Variants in SCAPER observed in about 807,000 individuals in gnomAD.
The protein encoded by SCAPER is S phase cyclin A-associated protein in the endoplasmic reticulum.
Under a neutral mutation model 182.2 loss-of-function variants are expected in SCAPER, and 98 were observed. The ratio of observed to expected loss-of-function variants is 0.54; its 90% CI spans 0.46 to 0.64. The LOEUF is 0.64. SCAPER is among the 30% of genes least tolerant of loss of function. SCAPER has a pLI of 0.00. For synonymous variants in SCAPER, 605 were observed against 564.6 expected (o/e 1.07, Z -1.01); for missense variants, 1,432 against 1,690.0 (o/e 0.85, Z 2.68).
intron 4 of SCAPER, among the ~76,000 whole-genome samples, chr15:76,845,081 A>C (rs1421900552): frequency 1.3e-5 from 2 of 152,168 alleles, no homozygotes; most frequent in Non-Finnish European, 2.9e-5. Flanking sequence ...CAATATGCAA[A>C]TCAATCAATG....
intron 23 of SCAPER, among the ~76,000 whole-genome samples, chr15:76,529,589 G>A (rs1206969083): frequency 6.6e-6 from 1 of 152,204 alleles, no homozygotes; most frequent in Non-Finnish European, 1.5e-5. Flanking sequence ...GGTAAGAGAA[G>A]GCCTTCTGAG....
intron 4 of SCAPER, among the ~76,000 whole-genome samples, chr15:76,846,485 G>A (rs1436035323): frequency 6.6e-6 from 1 of 151,970 alleles, no homozygotes; most frequent in East Asian, 1.9e-4. Context: ...TATATAAGGA[G>A]CTAAAACAAC....
chr15:76,795,355 A>AGCCT lies in SCAPER; in HGVS notation c.693_696dup (p.Ser233ArgfsTer27). 1 of 1,613,434 alleles carries AGCCT rather than the reference A, an allele frequency of 6.2e-7. No homozygotes were observed. The highest frequency in any genetic ancestry group is 8.5e-7 in the Non-Finnish European group (1 of 1,179,496). ...GGTGTTATTTCTGAAGAAGCAGTAG[A>AGCCT]GCCTGTATGATGAGCCTTTACCTTG... On this transcript the variant is annotated frameshift_variant, in exon 8 of 32. Transcript: ENST00000563290. LOFTEE classifies it high-confidence loss of function.
intron 23 of SCAPER, among the ~76,000 whole-genome samples, chr15:76,514,367 T>C (rs2042265632): frequency 6.6e-6 from 1 of 152,194 alleles, no homozygotes; most frequent in Admixed American, 6.5e-5. Context: ...TAACCCCACT[T>C]AGCTAAAGGC....
At chr15:76,880,531 T>C (rs2073465713) in intron 2 of SCAPER, among the ~76,000 whole-genome samples, 1 of 152,224 alleles carries the variant, frequency 6.6e-6, no homozygotes, top group South Asian at 2.1e-4. Context: ...CTGTTGTGTA[T>C]GATCATAAGC....
chr15:76,484,885 A>C (rs1282445629), intron 24 of SCAPER, among the ~76,000 whole-genome samples: 1 of 147,920 alleles, frequency 6.8e-6, no homozygotes, highest in South Asian at 2.2e-4. Flanking sequence ...TCAATAAACT[A>C]GGTATTGAAG....
At chr15:76,728,300 T>C (rs1319292192) in intron 17 of SCAPER, among the ~76,000 whole-genome samples, 1 of 151,958 alleles carries the variant, frequency 6.6e-6, no homozygotes, top group African/African-American at 2.4e-5. Flanking sequence ...AACTTGGTCC[T>C]CTAACCTTTT....
At chr15:76,647,115 T>G (rs1253714489) in intron 21 of SCAPER, among the ~76,000 whole-genome samples, 1 of 152,214 alleles carries the variant, frequency 6.6e-6, no homozygotes, top group African/African-American at 2.4e-5. Flanking sequence ...ACCTACCATG[T>G]GCAGAAAACT....
chr15:76,842,862 T>A (rs1242766498), intron 4 of SCAPER, among the ~76,000 whole-genome samples: 1 of 152,208 alleles, frequency 6.6e-6, no homozygotes, highest in Non-Finnish European at 1.5e-5. Flanking sequence ...ACCATTAGAC[T>A]GTTGGCTGAG....
intron 9 of SCAPER, among the ~76,000 whole-genome samples, chr15:76,772,753 C>T (rs538668868): frequency 2.6e-5 from 4 of 151,902 alleles, no homozygotes; most frequent in African/African-American, 9.6e-5. Flanking sequence ...CAGAGTCAAG[C>T]CTTTATTTTT....
At chr15:76,515,898 T>C (rs2042377726) in intron 23 of SCAPER, among the ~76,000 whole-genome samples, 1 of 152,150 alleles carries the variant, frequency 6.6e-6, no homozygotes, top group South Asian at 2.1e-4. Context: ...AGCCCATCAA[T>C]GAGAAAGAAA....
At chr15:76,637,017 A>C (rs1373407944) in intron 21 of SCAPER, among the ~76,000 whole-genome samples, 1 of 152,110 alleles carries the variant, frequency 6.6e-6, no homozygotes, top group Non-Finnish European at 1.5e-5. Context: ...AAATTCATAC[A>C]CTATATAATC....
chr15:76,517,005 T>C (rs1440041847), intron 23 of SCAPER, among the ~76,000 whole-genome samples: 1 of 152,100 alleles, frequency 6.6e-6, no homozygotes. Context: ...CTTAGAACAA[T>C]CAGTTACTTG....
intron 16 of SCAPER, among the ~76,000 whole-genome samples, chr15:76,731,150 C>T (rs2060899492): frequency 1.3e-5 from 2 of 152,104 alleles, no homozygotes; most frequent in South Asian, 4.1e-4. Context: ...ATAATATACA[C>T]TATGAATCTA....
chr15:76,522,934 T>C (rs192964083), intron 23 of SCAPER, among the ~76,000 whole-genome samples: 1 of 152,224 alleles, frequency 6.6e-6, no homozygotes, highest in East Asian at 1.9e-4. Context: ...AAATAGACTG[T>C]TAGTATATAA....
At chr15:76,462,646 C>A (rs2049280681) in intron 25 of SCAPER, among the ~76,000 whole-genome samples, 1 of 152,122 alleles carries the variant, frequency 6.6e-6, no homozygotes, top group Non-Finnish European at 1.5e-5. Flanking sequence ...CAAGTGTCAG[C>A]TTCTCCCTCA....
intron 4 of SCAPER, among the ~76,000 whole-genome samples, chr15:76,846,500 T>G (rs1002101569): frequency 1.3e-5 from 2 of 151,894 alleles, no homozygotes; most frequent in Admixed American, 1.3e-4. Context: ...AACAACTCAA[T>G]AGGAAAAAAT....
intron 21 of SCAPER, among the ~76,000 whole-genome samples, chr15:76,649,690 AACC>A (rs2054856435): frequency 7.1e-6 from 1 of 139,966 alleles, no homozygotes; most frequent in South Asian, 2.7e-4. Flanking sequence ...GATCAGAAAC[AACC>A]AAAGCCATTA....
chr15:76,822,444 A>C (rs1490034953), intron 5 of SCAPER, among the ~76,000 whole-genome samples: 2 of 152,202 alleles, frequency 1.3e-5, no homozygotes, highest in African/African-American at 4.8e-5. Flanking sequence ...AATAAAGGCA[A>C]CTCTGCACAA....
Sources: allele counts gnomAD v4.1 joint callset (sites outside exome capture counted in the v4.1 genomes callset), GRCh38; gene constraint gnomAD v4.1.1; transcripts MANE v1.5; gene names NCBI Gene and HGNC (gene_info 2026-07-23, HGNC 2026-07-21).